The following EXOC2 variants were observed in gnomAD, a reference collection of about 807,000 sequenced individuals.
EXOC2 encodes the protein exocyst complex component 2.
A neutral mutation model predicts 131.8 loss-of-function variants in EXOC2; 70 were observed. The observed-to-expected ratio is 0.53, with a 90% CI of 0.44 to 0.65. The LOEUF (loss-of-function observed/expected upper bound fraction) is 0.65, where lower values mean the gene tolerates loss of function less well. EXOC2 is among the 30% of genes least tolerant of loss of function. The pLI is 0.00. For synonymous variants in EXOC2, 411 were observed against 398.4 expected, an observed-to-expected ratio of 1.03 and a Z score of -0.38; for missense variants, 923 against 1,108.6, an observed-to-expected ratio of 0.83 and a Z score of 2.38.
chr6:646,264 T>G (rs981944623), intron 1 of EXOC2, among the ~76,000 whole-genome samples: 3 of 152,220 alleles, frequency 2.0e-5, no homozygotes, highest in African/African-American at 7.2e-5. Flanking sequence ...CTGAAGTATT[T>G]AGGAGTCAAG....
rs74882030 is a variant in EXOC2 at position 491,232 on chromosome 6, A to G, written c.2560-46T>C. 6.5e-3 allele frequency: 10,253 copies of G among 1,583,064 alleles called. 554 individuals carry two copies. The African/African-American group carries it at 0.12, about 18-fold the overall frequency. ...AAGTGACAACAGGAAAATTTATATT[A>G]TCAAATATAAACAAGTACTAAGGTT... On this transcript the variant is annotated intron_variant, in intron 25 of 27. Transcript: ENST00000230449.
intron 11 of EXOC2, among the ~76,000 whole-genome samples, chr6:587,411 A>AT (rs1307780081): frequency 1.3e-5 from 2 of 152,050 alleles, no homozygotes; most frequent in Non-Finnish European, 2.9e-5. Context: ...TGTCCGGCTA[A>AT]TTTTTTGTAT....
chr6:599,146 G>C lies in EXOC2; in HGVS notation c.822C>G (p.Leu274=). Residue 274 remains leucine (L), a synonymous_variant, in exon 8 of 28, where the codon CTC becomes CTG. Transcript: ENST00000230449. ...KDKADSTRNA[L]NVLQRFKFLF... Reference sequence around the variant, plus strand: ...GAAACTTAAATCGCTGAAGCACATTGAGTGCATTTCTAGTGGAATCTGCCT... The same window carrying C: ...GAAACTTAAATCGCTGAAGCACATTCAGTGCATTTCTAGTGGAATCTGCCT... The C allele has an allele frequency of 2.5e-6, 4 of 1,613,230 alleles. No homozygotes were observed. Among genetic ancestry groups the C allele is most frequent in the Non-Finnish European group, 3.4e-6 (4 of 1,179,502 alleles).
intron 1 of EXOC2, chr6:656,873 C>CA: frequency 6.2e-7 from 1 of 1,605,544 alleles, no homozygotes; most frequent in Non-Finnish European, 8.5e-7. Flanking sequence ...TCGCTAGCCT[C>CA]GCGACGGTGC....
chr6:577,984 C>T (rs143315348), intron 11 of EXOC2, among the ~76,000 whole-genome samples: 3 of 152,262 alleles, frequency 2.0e-5, no homozygotes, highest in Non-Finnish European at 2.9e-5. Flanking sequence ...ATAATTTAAT[C>T]GACTTCACAT....
intron 21 of EXOC2, among the ~76,000 whole-genome samples, chr6:553,309 T>C (rs896158313): frequency 6.6e-6 from 1 of 152,154 alleles, no homozygotes; most frequent in Non-Finnish European, 1.5e-5. Context: ...TCTCCTTAAA[T>C]ACATGTATAC....
At chr6:657,843 T>C (rs1763209927) in intron 1 of EXOC2, among the ~76,000 whole-genome samples, 1 of 152,204 alleles carries the variant, frequency 6.6e-6, no homozygotes, top group Non-Finnish European at 1.5e-5. Flanking sequence ...ACTGAGTTTA[T>C]TTTTCTTGAT....
At chr6:606,184 G>A (rs929863490) in intron 7 of EXOC2, among the ~76,000 whole-genome samples, 9 of 152,230 alleles carry the variant, frequency 5.9e-5, no homozygotes, top group Middle Eastern at 3.4e-3. Context: ...ACCAAACACC[G>A]TATGTTCTCA....
intron 11 of EXOC2, among the ~76,000 whole-genome samples, chr6:589,979 G>C (rs1197684967): frequency 1.3e-5 from 2 of 152,240 alleles, no homozygotes; most frequent in African/African-American, 4.8e-5. Flanking sequence ...GCTAGGCGTG[G>C]TAGCGGGCGC....
At position 575,270 on chromosome 6, in the gene EXOC2, G is replaced by A. The variant is rs183804907; in HGVS notation, c.1318+1487C>T. 1.1e-3 allele frequency among the ~76,000 whole-genome samples: 175 copies of A among 152,318 alleles called. 1 individual carries two copies. The highest frequency in any genetic ancestry group is 2.0e-3 in the Non-Finnish European group (133 of 68,036). ...TTTCTATTACATTAGGATTAGAGAC[G>A]AGTTGTTTAGAAATAATTCCAAGAA... is the stretch of plus-strand genomic sequence containing the variant. On this transcript the variant is annotated intron_variant, in intron 12 of 27. Transcript: ENST00000230449.
chr6:612,829 A>G (rs974301318), intron 6 of EXOC2, among the ~76,000 whole-genome samples: 9 of 152,240 alleles, frequency 5.9e-5, no homozygotes, highest in African/African-American at 2.2e-4. Flanking sequence ...CCAGTGTACC[A>G]TAACGAATAT....
intron 1 of EXOC2, among the ~76,000 whole-genome samples, chr6:691,554 G>T (rs2127825833): frequency 6.6e-6 from 1 of 152,254 alleles, no homozygotes. Context: ...CTTACTTTAA[G>T]AATACAGTAT....
rs192794971 is a variant in EXOC2 at position 627,631 on chromosome 6, A to G, written c.422+2204T>C. On this transcript the variant is annotated intron_variant, in intron 4 of 27. Transcript: ENST00000230449. ...GATACCACTGGCTCCTCCGAGACGGAGTGACGGTCTTGCATCTTTCGGCAT... is the reference window on the plus strand; with the variant it reads ...GATACCACTGGCTCCTCCGAGACGGGGTGACGGTCTTGCATCTTTCGGCAT... 1.0e-3 allele frequency among the ~76,000 whole-genome samples: 157 copies of G among 152,202 alleles called. 1 individual carries two copies. Among genetic ancestry groups the G allele is most frequent in the Admixed American group, 1.8e-3 (27 of 15,288 alleles).
chr6:658,153 A>G (rs906471420), intron 1 of EXOC2, among the ~76,000 whole-genome samples: 1 of 152,050 alleles, frequency 6.6e-6, no homozygotes, highest in African/African-American at 2.4e-5. Context: ...TAAACAATCC[A>G]CTTCTCCACT....
intron 1 of EXOC2, among the ~76,000 whole-genome samples, chr6:649,186 G>A (rs952505881): frequency 3.3e-5 from 5 of 152,058 alleles, no homozygotes; most frequent in African/African-American, 9.7e-5. Flanking sequence ...CACTGTGCCC[G>A]GCCACAAACT....
At chr6:493,799 G>A (rs1409056055) in intron 25 of EXOC2, among the ~76,000 whole-genome samples, 4 of 152,184 alleles carry the variant, frequency 2.6e-5, no homozygotes, top group African/African-American at 9.7e-5. Flanking sequence ...GTCCAGGCCC[G>A]AGGAGGTCTC....
intron 11 of EXOC2, among the ~76,000 whole-genome samples, chr6:578,172 A>G (rs1380811770): frequency 4.6e-5 from 7 of 152,210 alleles, no homozygotes; most frequent in Non-Finnish European, 1.0e-4. Context: ...TTTTTACTTT[A>G]TAACTTAATA....
intron 11 of EXOC2, among the ~76,000 whole-genome samples, chr6:582,372 T>G (rs946230413): frequency 6.6e-6 from 1 of 152,118 alleles, no homozygotes; most frequent in Non-Finnish European, 1.5e-5. Flanking sequence ...TACAGCAAGT[T>G]TTCTCACAGT....
chr6:545,552 C>T (rs980599498), intron 22 of EXOC2, among the ~76,000 whole-genome samples: 3 of 152,156 alleles, frequency 2.0e-5, no homozygotes, highest in African/African-American at 7.2e-5. Flanking sequence ...AGAAAAAGCG[C>T]TAACCTCCTA....
Sources: gnomAD v4.1 joint callset for allele counts (sites outside exome capture counted in the v4.1 genomes callset) on GRCh38, gnomAD v4.1.1 for gene constraint, MANE v1.5 for transcripts, NCBI Gene and HGNC (gene_info 2026-07-23, HGNC 2026-07-21) for gene names.